The following KTN1 variants were observed in gnomAD, a reference collection of about 807,000 sequenced individuals.
KTN1 encodes kinectin.
KTN1 carries 130 observed loss-of-function variants against 222.5 expected under a neutral mutation model. The observed-to-expected ratio is 0.58, with a 90% confidence interval of 0.51 to 0.68. The LOEUF (loss-of-function observed/expected upper bound fraction) is 0.68, where lower values mean the gene tolerates loss of function less well. Among genes scored for constraint, KTN1 ranks in the 30% least tolerant of loss-of-function variants. The pLI is 0.00. For missense variants in KTN1, 1,508 were observed against 1,500.4 expected (o/e 1.01, Z -0.08); for synonymous variants, 512 against 496.3 (o/e 1.03, Z -0.42).
At chr14:55,605,316 G>T (rs149494727) in intron 1 of KTN1, among the ~76,000 whole-genome samples, 9 of 152,018 alleles carry the variant, frequency 5.9e-5, no homozygotes, top group Admixed American at 2.6e-4. Context: ...TTGCTCTGTC[G>T]CCCAGGCTGG....
At position 55,680,013 on chromosome 14, in the gene KTN1, G is replaced by A. The variant is rs867676761; in HGVS notation, c.4069+328G>A. ...TTATTCTGTTCTTAGTTTAGAGTAA[G>A]TATCTGTGACCTTTTCTCCCCCCTC... On this transcript the variant is annotated intron_variant, in intron 43 of 43. Transcript: ENST00000395314. 1.5e-4 allele frequency: 35 copies of A among 231,566 alleles called. No individual in the cohort carries two copies. In the Middle Eastern group the frequency reaches 4.2e-3, roughly 28 times the overall value. 14.3% of individuals were successfully genotyped at this position (231,566 alleles called of 1,614,324 possible).
At chr14:55,637,087 C>T in intron 10 of KTN1, 111 bp from the exon 11 acceptor site, 2 of 694,232 alleles carry the variant, frequency 2.9e-6, no homozygotes, top group Non-Finnish European at 4.7e-6. Flanking sequence ...AGAATGGAAG[C>T]AGGAGAGATT....
At chr14:55,629,917 T>G (rs114261191) in intron 6 of KTN1, 40 bp from the exon 7 acceptor site, 1 of 1,321,362 alleles carries the variant, frequency 7.6e-7, no homozygotes, top group East Asian at 2.3e-5. Context: ...ATGATACTTA[T>G]TAAATAACAA....
intron 1 of KTN1, among the ~76,000 whole-genome samples, chr14:55,591,155 G>A (rs1188062598): frequency 6.6e-6 from 1 of 151,536 alleles, no homozygotes; most frequent in African/African-American, 2.4e-5. Context: ...TGTGTCTCTA[G>A]GATAGTGTTT....
intron 39 of KTN1, 76 bp downstream of exon 39, chr14:55,673,088 T>G: frequency 6.7e-7 from 1 of 1,502,448 alleles, no homozygotes; most frequent in Non-Finnish European, 9.3e-7. Flanking sequence ...TCAGTATAAG[T>G]TGTTTGTGGC....
intron 18 of KTN1, among the ~76,000 whole-genome samples, chr14:55,646,569 T>C (rs1217008349): frequency 6.9e-6 from 1 of 145,056 alleles, no homozygotes; most frequent in Admixed American, 7.1e-5. Context: ...TCTCTTTCTC[T>C]TTCTCTTTCC....
chr14:55,586,135 C>T (rs1423701836), intron 1 of KTN1, among the ~76,000 whole-genome samples: 1 of 152,122 alleles, frequency 6.6e-6, no homozygotes, highest in East Asian at 1.9e-4. Flanking sequence ...AGGTCTTAGA[C>T]CTTATTAACT....
At chr14:55,587,755 C>T (rs562022016) in intron 1 of KTN1, among the ~76,000 whole-genome samples, 1 of 152,258 alleles carries the variant, frequency 6.6e-6, no homozygotes, top group Non-Finnish European at 1.5e-5. Context: ...GCTCTTATTT[C>T]TGGGTACAGT....
intron 32 of KTN1, 144 bp downstream of exon 32, chr14:55,661,756 CG>C (rs1408439262): frequency 1.6e-5 from 7 of 429,714 alleles, no homozygotes; most frequent in South Asian, 1.7e-4. Flanking sequence ...GTAGTTTTTT[CG>C]GGGGGCGGGG....
chr14:55,680,864 C>T (rs2046306116), intron 43 of KTN1: 2 of 444,840 alleles, frequency 4.5e-6, no homozygotes, highest in Admixed American at 3.2e-5. Context: ...CTCCAGTTTC[C>T]CAATGTAAAA....
intron 6 of KTN1, among the ~76,000 whole-genome samples, chr14:55,629,008 C>T (rs907147499): frequency 7.9e-5 from 12 of 152,128 alleles, no homozygotes; most frequent in African/African-American, 2.9e-4. Flanking sequence ...ATGATTAGTC[C>T]TAATGATACC....
At chr14:55,641,289 G>C in intron 17 of KTN1, 81 bp downstream of exon 17, 1 of 776,664 alleles carries the variant, frequency 1.3e-6, no homozygotes, top group Admixed American at 2.8e-5. Flanking sequence ...GAAATACTAC[G>C]TTTTGTATGA....
intron 33 of KTN1, among the ~76,000 whole-genome samples, chr14:55,664,295 C>T (rs536914425): frequency 1.1e-4 from 17 of 152,118 alleles, no homozygotes; most frequent in Admixed American, 7.9e-4. Flanking sequence ...CTCAGAAGAC[C>T]GATGTTAACC....
At chr14:55,660,756 CATGTGTATATAT>C (rs2044049148) in intron 31 of KTN1, among the ~76,000 whole-genome samples, 1 of 152,062 alleles carries the variant, frequency 6.6e-6, no homozygotes, top group Non-Finnish European at 1.5e-5. Flanking sequence ...CTGTTTTATA[CATGTGTATATAT>C]ATGTGTATAT....
At chr14:55,658,820 T>G (rs1004628992) in intron 30 of KTN1, among the ~76,000 whole-genome samples, 1 of 152,232 alleles carries the variant, frequency 6.6e-6, no homozygotes, top group Admixed American at 6.5e-5. Flanking sequence ...CAAATAATAT[T>G]ATTGCCGGTA....
At chr14:55,632,930 G>C in intron 7 of KTN1, among the ~76,000 whole-genome samples, 1 of 152,130 alleles carries the variant, frequency 6.6e-6, no homozygotes, top group Non-Finnish European at 1.5e-5. Flanking sequence ...CTATTCGGTA[G>C]GAAAGAAATC....
intron 5 of KTN1, among the ~76,000 whole-genome samples, chr14:55,620,021 G>A (rs1032503694): frequency 5.3e-5 from 8 of 150,868 alleles, no homozygotes; most frequent in African/African-American, 1.9e-4. Flanking sequence ...CCTAGATACA[G>A]TGGTAGGCAT....
At chr14:55,649,327 T>A (rs1307149780) in intron 21 of KTN1, among the ~76,000 whole-genome samples, 1 of 151,160 alleles carries the variant, frequency 6.6e-6, no homozygotes, top group African/African-American at 2.4e-5. Flanking sequence ...AATTTATGAA[T>A]GATAATCAGT....
Position 55,653,023 on chromosome 14 carries a change from C to G in KTN1, c.2701C>G (p.Gln901Glu). The G allele has an allele frequency of 1.9e-6, 3 of 1,602,986 alleles. No homozygotes were observed. In the South Asian group the frequency reaches 3.3e-5, roughly 18 times the overall value. The change falls in exon 27 of 44, where the codon CAA becomes GAA. Residue 901 changes from glutamine to glutamate, a missense_variant. Coordinates refer to ENST00000395314, the MANE Select transcript of KTN1 (RefSeq NM_001079521.2). The part of the protein sequence containing the change: ...ANTGKWLQDL[Q>E]EENESLKAHV... Reference sequence around the variant, plus strand: ...TACACCTATTCTTTTTAAGGATCTTCAAGAAGAAAATGAATCTTTAAAAGC... The same window carrying G: ...TACACCTATTCTTTTTAAGGATCTTGAAGAAGAAAATGAATCTTTAAAAGC...
Sources: allele counts gnomAD v4.1 joint callset (sites outside exome capture counted in the v4.1 genomes callset), GRCh38; gene constraint gnomAD v4.1.1; transcripts MANE v1.5; gene names NCBI Gene and HGNC (gene_info 2026-07-23, HGNC 2026-07-21).